Variants in CAMKMT observed in about 807,000 individuals in gnomAD.
The protein encoded by CAMKMT is CaM KMT.
In CAMKMT, 53 loss-of-function variants were observed where a neutral mutation model predicts 48.0. The ratio of observed to expected loss-of-function variants is 1.10; its 90% CI spans 0.89 to 1.39. The LOEUF (loss-of-function observed/expected upper bound fraction) is 1.39, where lower values mean the gene tolerates loss of function less well. CAMKMT is among the 40% of genes most tolerant of loss of function. The pLI, the probability that CAMKMT is intolerant of heterozygous loss-of-function variation, is 0.00. For synonymous variants in CAMKMT, 165 were observed against 152.3 expected (o/e 1.08, Z -0.61); for missense variants, 428 against 402.7 (o/e 1.06, Z -0.54).
chr2:44,697,961 T>C (rs1293976288), intron 3 of CAMKMT, among the ~76,000 whole-genome samples: 1 of 152,174 alleles, frequency 6.6e-6, no homozygotes, highest in Non-Finnish European at 1.5e-5. Flanking sequence ...GAAAGGGGCT[T>C]GGTGCTACTG....
intron 3 of CAMKMT, among the ~76,000 whole-genome samples, chr2:44,406,206 A>G (rs528178719): frequency 6.6e-6 from 1 of 152,016 alleles, no homozygotes; most frequent in East Asian, 1.9e-4. Flanking sequence ...GCCTCTAATT[A>G]TATTCTCTGC....
intron 7 of CAMKMT, among the ~76,000 whole-genome samples, chr2:44,718,439 G>A (rs904180214): frequency 1.3e-5 from 2 of 152,192 alleles, no homozygotes; most frequent in African/African-American, 4.8e-5. Flanking sequence ...CACTTAACAA[G>A]TATGTCCAAA....
chr2:44,410,902 A>G (rs965926720), intron 3 of CAMKMT, among the ~76,000 whole-genome samples: 15 of 152,200 alleles, frequency 9.9e-5, no homozygotes, highest in African/African-American at 3.6e-4. Context: ...TTAAAATGAA[A>G]TGTATCATTA....
At chr2:44,658,843 C>T (rs1300203572) in intron 3 of CAMKMT, among the ~76,000 whole-genome samples, 1 of 152,138 alleles carries the variant, frequency 6.6e-6, no homozygotes, top group Non-Finnish European at 1.5e-5. Flanking sequence ...CCATTTCATT[C>T]ATGCTGCTCT....
At chr2:44,407,298 A>T (rs566642206) in intron 3 of CAMKMT, among the ~76,000 whole-genome samples, 1 of 152,242 alleles carries the variant, frequency 6.6e-6, no homozygotes, top group Non-Finnish European at 1.5e-5. Context: ...CCTCTCTAGA[A>T]GTAGACTGTT....
At chr2:44,625,219 A>T (rs889499097) in intron 3 of CAMKMT, among the ~76,000 whole-genome samples, 3 of 152,064 alleles carry the variant, frequency 2.0e-5, no homozygotes, top group African/African-American at 4.8e-5. Context: ...TCTTATTGTG[A>T]TTTCAATTTG....
At chr2:44,438,608 A>G (rs927536521) in intron 3 of CAMKMT, among the ~76,000 whole-genome samples, 9 of 152,214 alleles carry the variant, frequency 5.9e-5, no homozygotes, top group Non-Finnish European at 7.3e-5. Context: ...CCTTAAAGAT[A>G]TGATCCCTAC....
At chr2:44,418,690 G>A (rs1347479626) in intron 3 of CAMKMT, among the ~76,000 whole-genome samples, 1 of 152,108 alleles carries the variant, frequency 6.6e-6, no homozygotes, top group Admixed American at 6.5e-5. Context: ...CTCTGAATTT[G>A]TTTTCGTTTT....
chr2:44,586,983 A>G (rs958276522), intron 3 of CAMKMT, among the ~76,000 whole-genome samples: 10 of 152,168 alleles, frequency 6.6e-5, no homozygotes, highest in African/African-American at 1.7e-4. Flanking sequence ...CATTTTAGTC[A>G]TTCTAGTAGA....
At chr2:44,371,026 C>G (rs948489430) in intron 1 of CAMKMT, among the ~76,000 whole-genome samples, 1 of 152,164 alleles carries the variant, frequency 6.6e-6, no homozygotes, top group Non-Finnish European at 1.5e-5. Flanking sequence ...CTGTTGTCAA[C>G]CAGGCTGGAG....
At chr2:44,545,436 G>A (rs1337552218) in intron 3 of CAMKMT, among the ~76,000 whole-genome samples, 9 of 152,164 alleles carry the variant, frequency 5.9e-5, no homozygotes, top group Non-Finnish European at 1.0e-4. Flanking sequence ...ACATCAAAAT[G>A]AGTCATAATA....
At chr2:44,755,993 G>T (rs952356200) in intron 9 of CAMKMT, among the ~76,000 whole-genome samples, 2 of 152,224 alleles carry the variant, frequency 1.3e-5, no homozygotes, top group African/African-American at 2.4e-5. Flanking sequence ...AAGGCTGCCA[G>T]GTATTCTAGC....
chr2:44,413,319 G>A (rs1683335577), intron 3 of CAMKMT, among the ~76,000 whole-genome samples: 1 of 151,876 alleles, frequency 6.6e-6, no homozygotes, highest in Admixed American at 6.6e-5. Flanking sequence ...ATTTAGAGAA[G>A]AGCATTTTAA....
intron 6 of CAMKMT, among the ~76,000 whole-genome samples, chr2:44,711,631 A>AAGC (rs1677884113): frequency 6.6e-6 from 1 of 152,146 alleles, no homozygotes; most frequent in Admixed American, 6.5e-5. Context: ...AATTAATTCT[A>AAGC]AGCAGCAGGA....
At chr2:44,706,983 A>G (rs1677600827) in intron 5 of CAMKMT, among the ~76,000 whole-genome samples, 1 of 152,060 alleles carries the variant, frequency 6.6e-6, no homozygotes, top group African/African-American at 2.4e-5. Flanking sequence ...GTCAAAGCTC[A>G]CAAAAAAATT....
At chr2:44,549,564 C>G (rs774192231) in intron 3 of CAMKMT, 4 of 694,678 alleles carry the variant, frequency 5.8e-6, no homozygotes, top group South Asian at 4.6e-5. Flanking sequence ...GACACAGGGT[C>G]TCACTCTGTT....
intron 3 of CAMKMT, among the ~76,000 whole-genome samples, chr2:44,526,124 G>T (rs2850291): frequency 0.63 from 95,461 of 151,474 alleles, 30,663 homozygotes; most frequent in Middle Eastern, 0.7. Flanking sequence ...TCATTCTCAG[G>T]AAACTATCAC....
chr2:44,743,619 A>G lies in CAMKMT; in HGVS notation c.624-3A>G. 6.2e-7 allele frequency: 1 copy of G among 1,607,834 alleles called. No individual in the cohort carries two copies. The highest frequency in any genetic ancestry group is 8.5e-7 in the Non-Finnish European group (1 of 1,176,974). ...TAATTTTTAAAATCTTTTTCTCCTC[A>G]AGCGTTTTACGATGGGATAATGAGA... On this transcript the variant is annotated splice_polypyrimidine_tract_variant and splice_region_variant and intron_variant, in intron 7 of 10. Coordinates refer to ENST00000378494, the MANE Select transcript of CAMKMT (RefSeq NM_024766.5).
chr2:44,616,419 C>G (rs529473699), intron 3 of CAMKMT, among the ~76,000 whole-genome samples: 1 of 152,274 alleles, frequency 6.6e-6, no homozygotes, highest in East Asian at 1.9e-4. Flanking sequence ...CCTTTGTTGT[C>G]TCTAATTTTA....
Sources: gnomAD v4.1 joint callset for allele counts (sites outside exome capture counted in the v4.1 genomes callset) on GRCh38, gnomAD v4.1.1 for gene constraint, MANE v1.5 for transcripts, NCBI Gene and HGNC (gene_info 2026-07-23, HGNC 2026-07-21) for gene names.